The following AHCYL1 variants were observed in gnomAD, a reference collection of about 807,000 sequenced individuals.
The protein encoded by AHCYL1 is S-adenosylhomocysteine hydrolase-like protein 1.
In AHCYL1, 20 loss-of-function variants were observed where a neutral mutation model predicts 79.3. That is an observed-to-expected ratio of 0.25 (90% CI 0.18 to 0.37). The LOEUF (loss-of-function observed/expected upper bound fraction) is 0.37, where lower values mean the gene tolerates loss of function less well. Among genes scored for constraint, AHCYL1 ranks in the 10% least tolerant of loss-of-function variants. AHCYL1 has a pLI of 1.00. For synonymous variants in AHCYL1, 223 were observed against 242.2 expected (o/e 0.92, Z 0.74); for missense variants, 330 against 673.6 (o/e 0.49, Z 5.65).
At chr1:110,006,531 T>C (rs1408108428) in intron 1 of AHCYL1, among the ~76,000 whole-genome samples, 1 of 152,208 alleles carries the variant, frequency 6.6e-6, no homozygotes, top group Non-Finnish European at 1.5e-5. Flanking sequence ...AAGGCTGTTG[T>C]TGAGATCTGG....
intron 1 of AHCYL1, among the ~76,000 whole-genome samples, chr1:109,991,492 A>T (rs1649757664): frequency 6.6e-6 from 1 of 152,162 alleles, no homozygotes; most frequent in East Asian, 1.9e-4. Context: ...TGTGATGGAA[A>T]TGGGGCATAT....
At chr1:110,007,251 G>C (rs1002842729) in intron 1 of AHCYL1, among the ~76,000 whole-genome samples, 2 of 152,182 alleles carry the variant, frequency 1.3e-5, no homozygotes, top group South Asian at 4.1e-4. Context: ...TAGCAGAGGG[G>C]AGAGTAGCTT....
chr1:110,005,489 C>G (rs1234855385), intron 1 of AHCYL1, among the ~76,000 whole-genome samples: 2 of 152,176 alleles, frequency 1.3e-5, no homozygotes, highest in Non-Finnish European at 2.9e-5. Context: ...GACCGTGTTT[C>G]CTTGCATAGA....
intron 15 of AHCYL1, among the ~76,000 whole-genome samples, chr1:110,019,894 C>T (rs906038493): frequency 6.6e-6 from 1 of 152,244 alleles, no homozygotes; most frequent in Non-Finnish European, 1.5e-5. Context: ...GATGTTCTTA[C>T]TCTAAGTAGC....
At chr1:109,991,057 G>A (rs1241552908) in intron 1 of AHCYL1, among the ~76,000 whole-genome samples, 1 of 152,178 alleles carries the variant, frequency 6.6e-6, no homozygotes, top group Admixed American at 6.5e-5. Context: ...CTAGAGTGGA[G>A]CATCCATGCC....
At chr1:109,998,118 G>C (rs1431065150) in intron 1 of AHCYL1, among the ~76,000 whole-genome samples, 1 of 152,304 alleles carries the variant, frequency 6.6e-6, no homozygotes, top group East Asian at 1.9e-4. Flanking sequence ...CATTAAAGCT[G>C]AGGCTGCCTA....
chr1:109,987,964 C>T (rs78974471), intron 1 of AHCYL1, among the ~76,000 whole-genome samples: 5,774 of 152,048 alleles, frequency 0.038, 359 homozygotes, highest in African/African-American at 0.12. Flanking sequence ...AAAGTCTATT[C>T]GTATATTTAT....
At chr1:110,000,479 T>C (rs1452131913) in intron 1 of AHCYL1, among the ~76,000 whole-genome samples, 1 of 152,226 alleles carries the variant, frequency 6.6e-6, no homozygotes, top group Non-Finnish European at 1.5e-5. Context: ...GGCAATTTGT[T>C]GGCAACGTAA....
At chr1:110,009,748 C>T (rs185932607) in intron 2 of AHCYL1, among the ~76,000 whole-genome samples, 1 of 152,116 alleles carries the variant, frequency 6.6e-6, no homozygotes, top group African/African-American at 2.4e-5. Context: ...AAGTCTTTTT[C>T]TGTTTTGTAT....
In AHCYL1 at chr1:110,023,468, G is replaced by A. The variant is rs113226987; in HGVS notation, c.*1788G>A. On this transcript the variant is annotated 3_prime_UTR_variant, in exon 17 of 17. Coordinates refer to ENST00000369799, the MANE Select transcript of AHCYL1 (RefSeq NM_006621.7). ...TCCATCACGTTAGCCCTGCTGGAGG[G>A]AAGGGACCCACATTCACCTGCCCTC... is the stretch of plus-strand genomic sequence containing the variant. The A allele has an allele frequency of 1.3e-5, 2 of 152,552 alleles. No homozygotes were observed. The highest frequency in any genetic ancestry group is 4.8e-5 in the African/African-American group (2 of 41,380). 9.4% of individuals were successfully genotyped at this position (152,552 alleles called of 1,614,324 possible).
At chr1:109,992,146 C>T (rs905403271) in intron 1 of AHCYL1, among the ~76,000 whole-genome samples, 7 of 152,014 alleles carry the variant, frequency 4.6e-5, no homozygotes, top group Non-Finnish European at 8.8e-5. Context: ...CAGTGGCTCA[C>T]GCCTGTAATC....
rs763762711 is a variant in AHCYL1 at position 110,022,334 on chromosome 1, T to C, written c.*654T>C. 6.6e-6 allele frequency: 1 copy of C among 151,752 alleles called. No homozygotes were observed. Among genetic ancestry groups the C allele is most frequent in the Non-Finnish European group, 1.5e-5 (1 of 67,948 alleles). 9.4% of individuals were successfully genotyped at this position (151,752 alleles called of 1,614,324 possible). ...GAGTTTTTAACTAGACTACACTCTA[T>C]TGAGTTTAATTTTGTCCTCTAGGAT... On this transcript the variant is annotated 3_prime_UTR_variant, in exon 17 of 17. Coordinates refer to ENST00000369799, the MANE Select transcript of AHCYL1 (RefSeq NM_006621.7).
rs901582183 is a variant in AHCYL1, at chr1:110,009,682, A to C, written c.232+537A>C. ...GGAAAGATTCAGACTACTGTAATGT[A>C]ACTCCAGCTCTGTTTCTTTTTAGTT... On this transcript the variant is annotated intron_variant, in intron 2 of 16. Transcript: ENST00000369799. 4.6e-5 allele frequency among the ~76,000 whole-genome samples: 7 copies of C among 152,208 alleles called. No homozygotes were observed. The East Asian group carries it at 1.3e-3, about 29-fold the overall frequency.
chr1:109,989,507 C>G (rs183492995), intron 1 of AHCYL1, among the ~76,000 whole-genome samples: 16 of 152,266 alleles, frequency 1.1e-4, no homozygotes, highest in Middle Eastern at 6.8e-3. Flanking sequence ...GCAAGAGCCA[C>G]CACGCCCACC....
rs933840357 is a variant in AHCYL1 at position 109,984,972 on chromosome 1, G to A, written c.-81G>A. On this transcript the variant is annotated 5_prime_UTR_variant, in exon 1 of 17. Transcript: ENST00000369799. Reference sequence around the variant, plus strand: ...GGTGGGCGATCGCGTGTCGGAGGGCGCCGCGCGGGCAGGCGGGCGGGCGCC... The same window carrying A: ...GGTGGGCGATCGCGTGTCGGAGGGCACCGCGCGGGCAGGCGGGCGGGCGCC... 191 of 1,367,392 alleles carry A rather than the reference G, an allele frequency of 1.4e-4. No individual in the cohort carries two copies. The highest frequency in any genetic ancestry group is 1.7e-4 in the Non-Finnish European group (184 of 1,062,756). 84.7% of individuals were successfully genotyped at this position (1,367,392 alleles called of 1,614,324 possible). A position where few individuals can be genotyped will look rare whatever the true frequency, so the allele number is the denominator to read the frequency against.
intron 14 of AHCYL1, 67 bp from the exon 15 acceptor site, chr1:110,019,481 G>C: frequency 2.1e-6 from 3 of 1,421,582 alleles, no homozygotes; most frequent in Middle Eastern, 1.8e-4. Context: ...TGTTTAACCT[G>C]GTTTTATTTT....
At chr1:110,003,302 T>G (rs1650423218) in intron 1 of AHCYL1, among the ~76,000 whole-genome samples, 1 of 152,152 alleles carries the variant, frequency 6.6e-6, no homozygotes, top group South Asian at 2.1e-4. Context: ...GCAACCTTTA[T>G]TTTTACAGGA....
intron 1 of AHCYL1, among the ~76,000 whole-genome samples, chr1:109,989,770 C>A (rs1331197672): frequency 6.6e-6 from 1 of 152,148 alleles, no homozygotes; most frequent in East Asian, 1.9e-4. Flanking sequence ...AATGTCAACC[C>A]TGATTATACT....
chr1:110,000,880 A>G (rs1650274987), intron 1 of AHCYL1: 1 of 836,502 alleles, frequency 1.2e-6, no homozygotes, highest in Non-Finnish European at 1.4e-6. Flanking sequence ...GGATTCTAGA[A>G]TGTTTTGAAA....
Sources: gnomAD v4.1 joint callset for allele counts (sites outside exome capture counted in the v4.1 genomes callset) on GRCh38, gnomAD v4.1.1 for gene constraint, MANE v1.5 for transcripts, NCBI Gene and HGNC (gene_info 2026-07-23, HGNC 2026-07-21) for gene names.